CFAP299: variants seen among roughly 807,000 people sequenced by gnomAD.
CFAP299 encodes cilia and flagella associated protein 299.
In CFAP299, 21 loss-of-function variants were observed where a neutral mutation model predicts 27.0. That is an observed-to-expected ratio of 0.78 (90% CI 0.55 to 1.12). The LOEUF (loss-of-function observed/expected upper bound fraction) is 1.12. CFAP299 is among the 50% of genes most tolerant of loss of function. The pLI is 0.00. For synonymous variants in CFAP299, 104 were observed against 98.1 expected, an observed-to-expected ratio of 1.06 and a Z score of -0.36; for missense variants, 310 against 276.6, an observed-to-expected ratio of 1.12 and a Z score of -0.86.
intron 3 of CFAP299, among the ~76,000 whole-genome samples, chr4:80,844,642 T>A (rs867879483): frequency 1.3e-5 from 2 of 152,204 alleles, no homozygotes; most frequent in African/African-American, 2.4e-5. Context: ...TCATTGTAGA[T>A]TCTGGATATT....
intron 3 of CFAP299, among the ~76,000 whole-genome samples, chr4:80,597,050 A>G (rs546718352): frequency 6.6e-6 from 1 of 152,094 alleles, no homozygotes; most frequent in African/African-American, 2.4e-5. Context: ...CTTTGTGTGC[A>G]TATATGTATA....
intron 3 of CFAP299, among the ~76,000 whole-genome samples, chr4:80,693,212 A>G (rs933544036): frequency 2.6e-5 from 4 of 152,182 alleles, no homozygotes; most frequent in South Asian, 4.1e-4. Flanking sequence ...TACCCAAAGG[A>G]CTATAAATCA....
chr4:80,654,550 A>T (rs2109973803), intron 3 of CFAP299, among the ~76,000 whole-genome samples: 1 of 152,244 alleles, frequency 6.6e-6, no homozygotes, highest in South Asian at 2.1e-4. Flanking sequence ...ATGTCCACAG[A>T]TCCACCTTCT....
intron 3 of CFAP299, among the ~76,000 whole-genome samples, chr4:80,855,730 A>G (rs938304549): frequency 9.2e-5 from 14 of 152,244 alleles, no homozygotes; most frequent in African/African-American, 3.4e-4. Flanking sequence ...TACAAAGGAC[A>G]TGAACTCATC....
intron 2 of CFAP299, among the ~76,000 whole-genome samples, chr4:80,430,920 CT>C (rs1449359909): frequency 6.6e-6 from 1 of 152,104 alleles, no homozygotes; most frequent in African/African-American, 2.4e-5. Flanking sequence ...ACACCAGGGC[CT>C]TTTTTTGTGG....
At chr4:80,402,420 A>G (rs200533927) in intron 2 of CFAP299, among the ~76,000 whole-genome samples, 1 of 152,140 alleles carries the variant, frequency 6.6e-6, no homozygotes, top group East Asian at 1.9e-4. Flanking sequence ...ATGATAGCGA[A>G]TAAGTATCAT....
chr4:80,457,756 T>C (rs957986642), intron 2 of CFAP299, among the ~76,000 whole-genome samples: 3 of 152,184 alleles, frequency 2.0e-5, no homozygotes, highest in African/African-American at 7.2e-5. Context: ...TCGTTTGCTG[T>C]AACTGAAACT....
the CFAP299 span, among the ~76,000 whole-genome samples, chr4:80,327,296 G>C: frequency 6.6e-6 from 1 of 152,042 alleles, no homozygotes; most frequent in South Asian, 2.1e-4. Context: ...ATAGATTCTG[G>C]GAAGAGAAAG....
At chr4:80,580,105 AG>A (rs1736089544) in intron 2 of CFAP299, among the ~76,000 whole-genome samples, 1 of 152,128 alleles carries the variant, frequency 6.6e-6, no homozygotes, top group African/African-American at 2.4e-5. Context: ...AAAATCAAAA[AG>A]GGAATTGGAA....
chr4:80,652,377 A>G lies in CFAP299; in HGVS notation c.333+69194A>G, dbSNP rs1304411283. 2.6e-5 allele frequency among the ~76,000 whole-genome samples: 4 copies of G among 152,142 alleles called. No homozygotes were observed. The East Asian group carries it at 7.7e-4, about 29-fold the overall frequency. On this transcript the variant is annotated intron_variant, in intron 3 of 5. Coordinates refer to ENST00000358105, the MANE Select transcript of CFAP299 (RefSeq NM_152770.3). ...AGAAAAGTAAGAAATGAAAAACATAAATTTCAGAGTAAAACATAAACTTCA... is the reference window on the plus strand; with the variant it reads ...AGAAAAGTAAGAAATGAAAAACATAGATTTCAGAGTAAAACATAAACTTCA...
chr4:80,367,532 C>G (rs548397388), intron 2 of CFAP299, among the ~76,000 whole-genome samples: 3 of 152,098 alleles, frequency 2.0e-5, no homozygotes, highest in African/African-American at 7.2e-5. Flanking sequence ...ACTATACCAA[C>G]TAGAGGCACC....
chr4:80,885,172 GC>G (rs1733913397), intron 4 of CFAP299, among the ~76,000 whole-genome samples: 1 of 152,136 alleles, frequency 6.6e-6, no homozygotes, highest in Non-Finnish European at 1.5e-5. Flanking sequence ...ATTTGGACCA[GC>G]CCTAGCCAGA....
At chr4:80,728,376 G>A (rs1161623315) in intron 3 of CFAP299, among the ~76,000 whole-genome samples, 1 of 152,066 alleles carries the variant, frequency 6.6e-6, no homozygotes, top group African/African-American at 2.4e-5. Context: ...CAGTAGACTG[G>A]AGAATGTTAT....
chr4:80,612,789 C>T (rs1304757017), intron 3 of CFAP299, among the ~76,000 whole-genome samples: 1 of 152,046 alleles, frequency 6.6e-6, no homozygotes, highest in East Asian at 1.9e-4. Flanking sequence ...GAATTAGGTA[C>T]ATAGTTTTAA....
At chr4:80,510,121 G>A (rs1033961338) in intron 2 of CFAP299, among the ~76,000 whole-genome samples, 3 of 152,092 alleles carry the variant, frequency 2.0e-5, no homozygotes, top group African/African-American at 4.8e-5. Flanking sequence ...AATGATATGG[G>A]AAGCCTTTTC....
intron 2 of CFAP299, among the ~76,000 whole-genome samples, chr4:80,505,855 T>A (rs1732003650): frequency 6.6e-6 from 1 of 151,912 alleles, no homozygotes; most frequent in Non-Finnish European, 1.5e-5. Context: ...CCTACTTGGG[T>A]GGCCGAGGCA....
At chr4:80,619,401 A>C (rs956273819) in intron 3 of CFAP299, among the ~76,000 whole-genome samples, 1 of 152,104 alleles carries the variant, frequency 6.6e-6, no homozygotes, top group Non-Finnish European at 1.5e-5. Context: ...ATTGTGCCAC[A>C]TGAAATTTTC....
At chr4:80,872,986 T>G (rs1733184527) in intron 4 of CFAP299, 1 of 983,054 alleles carries the variant, frequency 1.0e-6, no homozygotes, top group Non-Finnish European at 1.2e-6. Context: ...CTTAATGCAT[T>G]TTAAACTTTA....
At chr4:80,855,998 G>A (rs1382711050) in intron 3 of CFAP299, among the ~76,000 whole-genome samples, 1 of 151,716 alleles carries the variant, frequency 6.6e-6, no homozygotes, top group Non-Finnish European at 1.5e-5. Context: ...TTCCACAGTG[G>A]TTGAACTAGT....
Sources: gnomAD v4.1 joint callset for allele counts (sites outside exome capture counted in the v4.1 genomes callset) on GRCh38, gnomAD v4.1.1 for gene constraint, MANE v1.5 for transcripts, NCBI Gene and HGNC (gene_info 2026-07-23, HGNC 2026-07-21) for gene names.